The following CTNNB1 variants were observed in gnomAD, a reference collection of about 807,000 sequenced individuals.
CTNNB1 encodes the protein catenin beta 1, also known as catenin beta-1.
A neutral mutation model predicts 82.5 loss-of-function variants in CTNNB1; 6 were observed. That is an observed-to-expected ratio of 0.07 (90% CI 0.04 to 0.14). The LOEUF (loss-of-function observed/expected upper bound fraction) is 0.14. Ranked by LOEUF, CTNNB1 falls within the 10% of genes least tolerant of loss-of-function variation. The pLI, the probability that CTNNB1 is intolerant of heterozygous loss-of-function variation, is 1.00. For missense variants in CTNNB1, 529 were observed against 980.4 expected, an observed-to-expected ratio of 0.54 and a Z score of 6.15; for synonymous variants, 312 against 329.7, an observed-to-expected ratio of 0.95 and a Z score of 0.58.
At chr3:41,212,042 T>TGA (rs1443541501) in intron 1 of CTNNB1, among the ~76,000 whole-genome samples, 2 of 152,260 alleles carry the variant, frequency 1.3e-5, no homozygotes, top group Non-Finnish European at 2.9e-5. Flanking sequence ...TTTTCTCCTC[T>TGA]GACTCTTCAG....
chr3:41,202,794 A>G (rs777665088), intron 1 of CTNNB1, among the ~76,000 whole-genome samples: 1 of 152,256 alleles, frequency 6.6e-6, no homozygotes, highest in Non-Finnish European at 1.5e-5. Context: ...GTTAACTCCT[A>G]TAGTTTTTCA....
In CTNNB1 at chr3:41,225,996, T is replaced by C. The variant is rs979140353; in HGVS notation, c.936+135T>C. On this transcript the variant is annotated intron_variant, in intron 6 of 14. Transcript: ENST00000349496. This position sits in a 1 kb window ranked among gnomAD's most constrained non-coding sequence, Gnocchi z 5.3. ...GAAAACAGTTTTTCCATGAATGGGT[T>C]GTGGGAATGGTTTCTGGATGACACC... The C allele has an allele frequency of 3.7e-5, 29 of 784,872 alleles. No individual in the cohort carries two copies. The highest frequency in any genetic ancestry group is 5.1e-5 in the African/African-American group (3 of 58,428). The allele number at this position is 784,872 out of a possible 1,614,324, so 48.6% of individuals were successfully genotyped here. A position where few individuals can be genotyped will look rare whatever the true frequency, so the allele number is the denominator to read the frequency against.
intron 2 of CTNNB1, 149 bp from the exon 3 acceptor site, chr3:41,224,377 C>A (rs2078123875): frequency 1.2e-6 from 1 of 857,492 alleles, no homozygotes; most frequent in African/African-American, 1.7e-5. Flanking sequence ...ACTGAGCTAA[C>A]CCTGGCTATC....
At chr3:41,202,339 G>T (rs931195622) in intron 1 of CTNNB1, among the ~76,000 whole-genome samples, 1 of 152,118 alleles carries the variant, frequency 6.6e-6, no homozygotes, top group Non-Finnish European at 1.5e-5. Context: ...CTGCCAACCC[G>T]GGGCACAAAG....
chr3:41,239,972 G>T lies in CTNNB1; in HGVS notation c.*630G>T, dbSNP rs1320909972. On this transcript the variant is annotated 3_prime_UTR_variant, in exon 15 of 15. Coordinates refer to ENST00000349496, the MANE Select transcript of CTNNB1 (RefSeq NM_001904.4). ...ATCTGTAATGGTACTGACTTTGCTT[G>T]CTTTGAAGTAGCTCTTTTTTTTTTT... 13 of 98,812 alleles carry T rather than the reference G, an allele frequency of 1.3e-4. No individual in the cohort carries two copies. The highest frequency in any genetic ancestry group is 2.6e-4 in the Admixed American group (2 of 7,842). 6.1% of individuals were successfully genotyped at this position (98,812 alleles called of 1,614,324 possible).
chr3:41,203,305 ATAAT>A (rs1460571374), intron 1 of CTNNB1, among the ~76,000 whole-genome samples: 3 of 152,132 alleles, frequency 2.0e-5, no homozygotes, highest in African/African-American at 4.8e-5. Flanking sequence ...GATTTCTAAA[ATAAT>A]TAATATCATT....
At chr3:41,235,886 T>C (rs1205377430) in intron 11 of CTNNB1, 43 bp downstream of exon 11, 1 of 1,610,918 alleles carries the variant, frequency 6.2e-7, no homozygotes, top group Non-Finnish European at 8.5e-7. Flanking sequence ...GTCCATAAAA[T>C]TTCCAGATTG....
At chr3:41,204,177 G>C (rs989117666) in intron 1 of CTNNB1, among the ~76,000 whole-genome samples, 1 of 151,906 alleles carries the variant, frequency 6.6e-6, no homozygotes, top group Non-Finnish European at 1.5e-5. Context: ...CCTCCATCAA[G>C]GACCATACTT....
At position 41,239,715 on chromosome 3, in the gene CTNNB1, A is replaced by AG. The variant is rs2078529630; in HGVS notation, c.*377dup. 2.6e-6 allele frequency: 1 copy of AG among 378,372 alleles called. No individual in the cohort carries two copies. The highest frequency in any genetic ancestry group is 4.9e-6 in the Non-Finnish European group (1 of 204,070). 23.4% of individuals were successfully genotyped at this position (378,372 alleles called of 1,614,324 possible). ...CCTGTAGAGTTGCTGAGAGGGCTCG[A>AG]GGGGTGGGCTGGTATCTCAGAAAGT... On this transcript the variant is annotated 3_prime_UTR_variant, in exon 15 of 15. Coordinates refer to ENST00000349496, the MANE Select transcript of CTNNB1 (RefSeq NM_001904.4).
chr3:41,224,176 T>C, intron 2 of CTNNB1, 95 bp downstream of exon 2: 18 of 1,423,146 alleles, frequency 1.3e-5, no homozygotes, highest in Non-Finnish European at 1.8e-5. Context: ...CCTCTCTCCC[T>C]GCTTACTTGT....
rs142918476 is a variant in CTNNB1 at position 41,204,637 on chromosome 3, A to G, written c.-49+4967A>G. ...ATAGTTTATGTTGCCAGATCATCTG[A>G]TTTCTTTCCCCTAAGTGGGAAATCC... On this transcript the variant is annotated intron_variant, in intron 1 of 14. Transcript: ENST00000349496. Among the ~76,000 whole-genome samples the G allele has an allele frequency of 2.7e-3, 418 of 152,326 alleles. 2 individuals carry two copies. The highest frequency in any genetic ancestry group is 9.0e-3 in the African/African-American group (373 of 41,576).
chr3:41,223,474 T>G (rs1044021481), intron 1 of CTNNB1, among the ~76,000 whole-genome samples: 4 of 152,302 alleles, frequency 2.6e-5, no homozygotes, highest in African/African-American at 9.6e-5. Context: ...AAAAGTAATT[T>G]TTCTTTGTAC....
At chr3:41,223,728 A>G (rs367988395) in intron 1 of CTNNB1, among the ~76,000 whole-genome samples, 1 of 152,136 alleles carries the variant, frequency 6.6e-6, no homozygotes, top group Non-Finnish European at 1.5e-5. Flanking sequence ...GGCTTTTATT[A>G]TTACAACTCT....
chr3:41,238,223 C>A, intron 14 of CTNNB1, 147 bp downstream of exon 14: 1 of 732,494 alleles, frequency 1.4e-6, no homozygotes. Flanking sequence ...TTCCAGTCAG[C>A]AACAGTATCT....
At chr3:41,220,953 T>C (rs13072632) in intron 1 of CTNNB1, 61,551 of 152,016 alleles carry the variant, frequency 0.4, 12,766 homozygotes, top group Non-Finnish European at 0.46. Flanking sequence ...TGACTTTGAC[T>C]GGAGACATTT....
rs1242107231 is a variant in CTNNB1 at position 41,227,254 on chromosome 3, T to C, written c.983T>C (p.Met328Thr). The C allele has an allele frequency of 6.2e-7, 1 of 1,612,574 alleles. No individual in the cohort carries two copies. The highest frequency in any genetic ancestry group is 8.5e-7 in the Non-Finnish European group (1 of 1,178,588). The change falls in exon 7 of 15, where the codon ATG becomes ACG. Residue 328 changes from methionine (M) to threonine (T), a missense_variant. Around this residue, in one of 4 missense-constraint regions of CTNNB1, gnomAD observed 411 missense variants for 776.4 expected, o/e 0.53. Coordinates refer to ENST00000349496, the MANE Select transcript of CTNNB1 (RefSeq NM_001904.4). ...SGGPQALVNI[M>T]RTYTYEKLLW... is the part of the protein sequence containing the mutation. ...GGACCCCAAGCTTTAGTAAATATAA[T>C]GAGGACCTATACTTACGAAAAACTA...
At chr3:41,214,950 A>C (rs975528020) in intron 1 of CTNNB1, among the ~76,000 whole-genome samples, 3 of 152,138 alleles carry the variant, frequency 2.0e-5, no homozygotes, top group African/African-American at 7.2e-5. Context: ...GTTGTGACAA[A>C]GAGTTTATGG....
intron 13 of CTNNB1, 83 bp from the exon 14 acceptor site, chr3:41,237,933 G>T: frequency 8.8e-7 from 1 of 1,138,034 alleles, no homozygotes. Flanking sequence ...TAATCTGAAA[G>T]TATGCTTTAA....
At chr3:41,206,456 AT>A (rs1210208907) in intron 1 of CTNNB1, among the ~76,000 whole-genome samples, 1 of 152,194 alleles carries the variant, frequency 6.6e-6, no homozygotes, top group East Asian at 1.9e-4. Flanking sequence ...GGATGTCCAT[AT>A]AAAAATGTGT....
Sources: gnomAD v4.1 joint callset for allele counts (sites outside exome capture counted in the v4.1 genomes callset) on GRCh38, gnomAD v4.1.1 for gene constraint, gnomAD v4.1.1 regional missense constraint, Gnocchi (gnomAD v3.1) non-coding constraint, MANE v1.5 for transcripts, NCBI Gene and HGNC (gene_info 2026-07-23, HGNC 2026-07-21) for gene names.